The following TUSC3 variants were observed in gnomAD, a reference collection of about 807,000 sequenced individuals.
The protein encoded by TUSC3 is tumor suppressor candidate 3.
Under a neutral mutation model 44.8 loss-of-function variants are expected in TUSC3, and 45 were observed. The ratio of observed to expected loss-of-function variants is 1.00; its 90% CI spans 0.79 to 1.29. TUSC3 has a LOEUF of 1.29. TUSC3 is among the 50% of genes most tolerant of loss of function. The pLI, the probability that TUSC3 is intolerant of heterozygous loss-of-function variation, is 0.00. For synonymous variants in TUSC3, 212 were observed against 152.9 expected (o/e 1.39, Z -2.85); for missense variants, 519 against 437.9 (o/e 1.19, Z -1.65).
At chr8:15,784,976 A>G in the TUSC3 span, among the ~76,000 whole-genome samples, 1 of 152,024 alleles carries the variant, frequency 6.6e-6, no homozygotes, top group African/African-American at 2.4e-5. Context: ...GCCACAATAC[A>G]TACATGTACA....
chr8:15,548,908 C>T (rs140925555), intron 1 of TUSC3, among the ~76,000 whole-genome samples: 2 of 151,802 alleles, frequency 1.3e-5, no homozygotes, highest in East Asian at 1.9e-4. Flanking sequence ...TCTCAGTGAT[C>T]ACTATTAAAA....
downstream of TUSC3, among the ~76,000 whole-genome samples, chr8:15,770,044 C>T (rs1268416491): frequency 1.3e-5 from 2 of 152,044 alleles, no homozygotes; most frequent in Non-Finnish European, 2.9e-5. Context: ...ACCATTTGAC[C>T]CAGCAATCCC....
At chr8:15,753,172 C>G (rs1811778688) in intron 9 of TUSC3, among the ~76,000 whole-genome samples, 1 of 151,880 alleles carries the variant, frequency 6.6e-6, no homozygotes, top group Non-Finnish European at 1.5e-5. Context: ...GAGATTTGTT[C>G]TTTCTTATCT....
intron 2 of TUSC3, among the ~76,000 whole-genome samples, chr8:15,484,295 C>A (rs1024669575): frequency 1.3e-5 from 2 of 152,142 alleles, no homozygotes; most frequent in African/African-American, 4.8e-5. Context: ...GCACAATTTC[C>A]CAGGAAGCCT....
At chr8:15,585,582 T>C (rs1803563852) in intron 1 of TUSC3, among the ~76,000 whole-genome samples, 1 of 152,170 alleles carries the variant, frequency 6.6e-6, no homozygotes, top group African/African-American at 2.4e-5. Context: ...GTGAATTTCT[T>C]GTAGCTCCAC....
chr8:15,582,114 C>T (rs570845466), intron 1 of TUSC3, among the ~76,000 whole-genome samples: 1 of 150,552 alleles, frequency 6.6e-6, no homozygotes, highest in African/African-American at 2.4e-5. Flanking sequence ...GGAAAGGGAA[C>T]TCCCTGACCC....
intron 2 of TUSC3, among the ~76,000 whole-genome samples, chr8:15,640,312 T>C (rs540639188): frequency 4.6e-5 from 7 of 152,304 alleles, no homozygotes; most frequent in South Asian, 4.1e-4. Flanking sequence ...TGGAAACTTA[T>C]CTGGTTCACT....
intron 6 of TUSC3, among the ~76,000 whole-genome samples, chr8:15,686,271 G>A (rs915779059): frequency 1.3e-5 from 2 of 151,782 alleles, no homozygotes; most frequent in Non-Finnish European, 2.9e-5. Context: ...AAGCTTATGC[G>A]TAGGCTGTAA....
the TUSC3 span, among the ~76,000 whole-genome samples, chr8:15,778,704 G>C: frequency 6.6e-6 from 1 of 152,036 alleles, no homozygotes; most frequent in Non-Finnish European, 1.5e-5. Context: ...TTCCAAATCT[G>C]CTTTTCCCAA....
intron 2 of TUSC3, among the ~76,000 whole-genome samples, chr8:15,525,576 A>G (rs141333424): frequency 6.6e-6 from 1 of 152,342 alleles, no homozygotes; most frequent in Non-Finnish European, 1.5e-5. Context: ...TCAAGAGTGT[A>G]AAGTGGTCCT....
intron 2 of TUSC3, among the ~76,000 whole-genome samples, chr8:15,484,715 A>G (rs1331025904): frequency 6.6e-6 from 1 of 152,234 alleles, no homozygotes; most frequent in Non-Finnish European, 1.5e-5. Flanking sequence ...GCGCAGAGTC[A>G]GAAAACTGAA....
At chr8:15,639,017 G>C (rs1045779189) in intron 2 of TUSC3, among the ~76,000 whole-genome samples, 2 of 147,598 alleles carry the variant, frequency 1.4e-5, no homozygotes, top group Non-Finnish European at 2.9e-5. Flanking sequence ...ATGATCATGT[G>C]TCGATGCTAG....
intron 10 of TUSC3, among the ~76,000 whole-genome samples, chr8:15,759,055 C>T (rs1352939872): frequency 6.6e-6 from 1 of 152,132 alleles, no homozygotes; most frequent in Non-Finnish European, 1.5e-5. Flanking sequence ...GTACTTCTCG[C>T]TAGCATTCTC....
chr8:15,654,739 G>A (rs1270111356), intron 3 of TUSC3, among the ~76,000 whole-genome samples: 1 of 152,100 alleles, frequency 6.6e-6, no homozygotes, highest in East Asian at 1.9e-4. Context: ...TGAGGTTGCA[G>A]TGAGCCGAGA....
At chr8:15,458,978 A>G (rs1447444110) in intron 1 of TUSC3, among the ~76,000 whole-genome samples, 1 of 152,234 alleles carries the variant, frequency 6.6e-6, no homozygotes, top group African/African-American at 2.4e-5. Context: ...TCTTTTCACC[A>G]AATAGACCAG....
intron 2 of TUSC3, among the ~76,000 whole-genome samples, chr8:15,639,148 GTGA>G (rs1267028381): frequency 2.1e-5 from 3 of 143,340 alleles, no homozygotes; most frequent in Non-Finnish European, 3.0e-5. Flanking sequence ...CAGGGCTTCA[GTGA>G]TGATCATGTG....
chr8:15,569,139 G>A (rs148214794), intron 1 of TUSC3, among the ~76,000 whole-genome samples: 7 of 152,146 alleles, frequency 4.6e-5, no homozygotes, highest in African/African-American at 1.4e-4. Flanking sequence ...AGTACCATGC[G>A]AAATGTTTAT....
At chr8:15,557,006 T>A (rs1311695939) in intron 1 of TUSC3, among the ~76,000 whole-genome samples, 1 of 145,272 alleles carries the variant, frequency 6.9e-6, no homozygotes, top group Non-Finnish European at 1.5e-5. Context: ...CTCTTTAGTT[T>A]AATTAGATCC....
Position 15,662,173 on chromosome 8 carries a change from A to G in TUSC3, c.585A>G (p.Pro195=), listed in dbSNP as rs780023022. ...TTTTGCAGATTCGGGTTTTCAGACC[A>G]CCCAACTACTCTGGTACCATTGCTT... ...RTDVHIRVFR[P]PNYSGTIALA... The change falls in exon 5 of 11, where the codon CCA becomes CCG. Residue 195 remains proline (P), a synonymous_variant. Transcript: ENST00000503731. 6.2e-7 allele frequency: 1 copy of G among 1,612,864 alleles called. No individual in the cohort carries two copies. The highest frequency in any genetic ancestry group is 8.5e-7 in the Non-Finnish European group (1 of 1,179,196).
Sources: allele counts gnomAD v4.1 joint callset (sites outside exome capture counted in the v4.1 genomes callset), GRCh38; gene constraint gnomAD v4.1.1; transcripts MANE v1.5; gene names NCBI Gene and HGNC (gene_info 2026-07-23, HGNC 2026-07-21).